Variants in SYTL3 observed in about 807,000 individuals in gnomAD.
The protein encoded by SYTL3 is synaptotagmin like 3.
A neutral mutation model predicts 82.1 loss-of-function variants in SYTL3; 88 were observed. The observed-to-expected ratio is 1.07, with a 90% CI of 0.90 to 1.28. The LOEUF (loss-of-function observed/expected upper bound fraction) is 1.28, where lower values mean the gene tolerates loss of function less well. SYTL3 is among the 50% of genes most tolerant of loss of function. The pLI, the probability that SYTL3 is intolerant of heterozygous loss-of-function variation, is 0.00. For synonymous variants in SYTL3, 311 were observed against 289.4 expected (o/e 1.07, Z -0.76); for missense variants, 831 against 757.6 (o/e 1.10, Z -1.14).
intron 15 of SYTL3, 47 bp from the exon 16 acceptor site, chr6:158,762,029 C>T (rs369843108): frequency 1.7e-5 from 24 of 1,384,870 alleles, no homozygotes; most frequent in African/African-American, 2.8e-5. Flanking sequence ...TGCATACTAA[C>T]GTATCAGGAG....
Position 158,750,730 on chromosome 6 carries a change from C to T in SYTL3, c.1035-1198C>T, listed in dbSNP as rs146804196. ...ATGAGTTCTCCCTGTGTATTGCCCA[C>T]GCTGGTCTCAAATTCCTGGCTTATG... On this transcript the variant is annotated intron_variant, in intron 12 of 17. Coordinates refer to ENST00000611299, the MANE Select transcript of SYTL3 (RefSeq NM_001242394.2). Among the ~76,000 whole-genome samples the T allele has an allele frequency of 1.8e-3, 281 of 152,226 alleles. 1 individual carries two copies. Among genetic ancestry groups the T allele is most frequent in the African/African-American group, 6.0e-3 (249 of 41,544 alleles).
chr6:158,684,899 A>G (rs1487433410), intron 6 of SYTL3, among the ~76,000 whole-genome samples: 1 of 151,792 alleles, frequency 6.6e-6, no homozygotes, highest in Non-Finnish European at 1.5e-5. Flanking sequence ...AGGCAATGGA[A>G]TGAAGCAGGG....
intron 6 of SYTL3, among the ~76,000 whole-genome samples, chr6:158,693,855 C>CTTTTTTTTTTTTTTTTTTTTTTTTTTT (rs575358067): frequency 1.0e-5 from 1 of 96,864 alleles, no homozygotes; most frequent in African/African-American, 5.4e-5. Flanking sequence ...TTTTTCTTTT[C>CTTTTTTTTTTTTTTTTTTTTTTTTTTT]TTTTTTTTTT....
intron 6 of SYTL3, among the ~76,000 whole-genome samples, chr6:158,702,229 G>A (rs1781388344): frequency 6.6e-6 from 1 of 151,450 alleles, no homozygotes; most frequent in African/African-American, 2.4e-5. Context: ...GGGAGGCTGA[G>A]GCAGGAGAAT....
intron 11 of SYTL3, among the ~76,000 whole-genome samples, chr6:158,740,977 C>G (rs1417368304): frequency 6.6e-6 from 1 of 152,182 alleles, no homozygotes; most frequent in Admixed American, 6.5e-5. Context: ...AAAGTTCTCA[C>G]AATGCTTGAA....
intron 2 of SYTL3, among the ~76,000 whole-genome samples, chr6:158,660,350 G>T (rs536998493): frequency 6.6e-6 from 1 of 152,196 alleles, no homozygotes; most frequent in African/African-American, 2.4e-5. Context: ...CTGAATGACT[G>T]GATGAATGGA....
At chr6:158,724,459 C>T (rs1005244200) in intron 10 of SYTL3, among the ~76,000 whole-genome samples, 1 of 152,138 alleles carries the variant, frequency 6.6e-6, no homozygotes, top group Non-Finnish European at 1.5e-5. Flanking sequence ...AAACTAAAGT[C>T]TCCACTTGGA....
intron 10 of SYTL3, among the ~76,000 whole-genome samples, chr6:158,720,383 G>C (rs915480660): frequency 7.5e-6 from 1 of 133,338 alleles, no homozygotes; most frequent in Admixed American, 7.9e-5. Context: ...TCCAGCCTGG[G>C]TGACAAGAGT....
chr6:158,663,408 G>A, intron 4 of SYTL3, 30 bp downstream of exon 4: 1 of 1,610,328 alleles, frequency 6.2e-7, no homozygotes, highest in Non-Finnish European at 8.5e-7. Context: ...GGGTCACTTT[G>A]GGTGTTTAGC....
intron 5 of SYTL3, 103 bp from the exon 6 acceptor site, chr6:158,682,822 G>T: frequency 2.5e-6 from 2 of 802,052 alleles, no homozygotes; most frequent in South Asian, 1.6e-5. Context: ...GAGGTCCATT[G>T]CAAGACTAAT....
chr6:158,715,946 T>C (rs1783370748), intron 9 of SYTL3, among the ~76,000 whole-genome samples: 1 of 152,118 alleles, frequency 6.6e-6, no homozygotes, highest in African/African-American at 2.4e-5. Context: ...GGGAGGAAGA[T>C]TGGCACCTGA....
chr6:158,743,005 C>G (rs998948351), intron 11 of SYTL3, among the ~76,000 whole-genome samples: 2 of 152,190 alleles, frequency 1.3e-5, no homozygotes, highest in African/African-American at 2.4e-5. Flanking sequence ...GGGACCTTAG[C>G]TCCTCAGGTT....
At chr6:158,694,984 T>C (rs1267594823) in intron 6 of SYTL3, among the ~76,000 whole-genome samples, 1 of 152,194 alleles carries the variant, frequency 6.6e-6, no homozygotes, top group Non-Finnish European at 1.5e-5. Context: ...GGTTATCAGG[T>C]TCGTCAATAT....
At chr6:158,726,736 C>T in intron 11 of SYTL3, 1 of 236,676 alleles carries the variant, frequency 4.2e-6, no homozygotes, top group South Asian at 7.4e-5. Context: ...CATACTGTGA[C>T]ACAAGGCCTG....
At chr6:158,655,073 G>A (rs548982906) in intron 2 of SYTL3, among the ~76,000 whole-genome samples, 1 of 152,288 alleles carries the variant, frequency 6.6e-6, no homozygotes, top group South Asian at 2.1e-4. Flanking sequence ...GCAAATGATG[G>A]AGTGACCGAA....
chr6:158,697,620 G>A (rs2128434185), intron 6 of SYTL3, among the ~76,000 whole-genome samples: 1 of 152,282 alleles, frequency 6.6e-6, no homozygotes, highest in East Asian at 1.9e-4. Context: ...AACAGAATGA[G>A]AGAAAATATT....
chr6:158,708,491 C>T, intron 8 of SYTL3, 100 bp downstream of exon 8: 1 of 1,140,042 alleles, frequency 8.8e-7, no homozygotes, highest in Non-Finnish European at 1.3e-6. Context: ...CGGAACCTCC[C>T]AGCAAAGGGA....
intron 10 of SYTL3, among the ~76,000 whole-genome samples, chr6:158,719,124 TGTA>T (rs1290728701): frequency 2.6e-5 from 4 of 152,196 alleles, no homozygotes; most frequent in Non-Finnish European, 5.9e-5. Flanking sequence ...AATGAGATAA[TGTA>T]GTATCTTGAT....
At chr6:158,652,759 C>A (rs564230615) in intron 2 of SYTL3, among the ~76,000 whole-genome samples, 4 of 151,852 alleles carry the variant, frequency 2.6e-5, no homozygotes, top group African/African-American at 9.7e-5. Context: ...CCAGGCTGGT[C>A]TCAAAACTCC....
Sources: allele counts gnomAD v4.1 joint callset (sites outside exome capture counted in the v4.1 genomes callset), GRCh38; gene constraint gnomAD v4.1.1; transcripts MANE v1.5; gene names NCBI Gene and HGNC (gene_info 2026-07-23, HGNC 2026-07-21).